Variants in ABCC4 observed in about 807,000 individuals in gnomAD.
ABCC4 encodes the protein ATP binding cassette subfamily C member 4 (PEL blood group), also known as ATP-binding cassette sub-family C member 4.
A neutral mutation model predicts 168.5 loss-of-function variants in ABCC4; 102 were observed. The ratio of observed to expected loss-of-function variants is 0.61; its 90% CI spans 0.52 to 0.71. The LOEUF (loss-of-function observed/expected upper bound fraction) is 0.71, where lower values mean the gene tolerates loss of function less well. Among genes scored for constraint, ABCC4 ranks in the 30% least tolerant of loss-of-function variants. The probability of loss-of-function intolerance (pLI) is 0.00; values close to 1 mark genes in which losing one functional copy is unlikely to be tolerated. For synonymous variants in ABCC4, 617 were observed against 590.7 expected, an observed-to-expected ratio of 1.04 and a Z score of -0.65; for missense variants, 1,402 against 1,605.8, an observed-to-expected ratio of 0.87 and a Z score of 2.17.
chr13:95,048,916 C>T (rs575475794), intron 27 of ABCC4, among the ~76,000 whole-genome samples: 4 of 152,228 alleles, frequency 2.6e-5, no homozygotes, highest in East Asian at 3.9e-4. Context: ...TCATTACTTA[C>T]GTTATATTTA....
chr13:95,206,864 A>ATT, intron 7 of ABCC4, 83 bp from the exon 8 acceptor site: 1 of 1,468,142 alleles, frequency 6.8e-7, no homozygotes, highest in Non-Finnish European at 9.3e-7. Context: ...GCACTTTGGG[A>ATT]GCTGAGGTGG....
At chr13:95,104,889 C>T (rs1046550246) in intron 20 of ABCC4, among the ~76,000 whole-genome samples, 2 of 152,144 alleles carry the variant, frequency 1.3e-5, no homozygotes, top group African/African-American at 4.8e-5. Flanking sequence ...ACACAGTCCT[C>T]AACCTTTTTG....
chr13:95,053,125 C>T lies in ABCC4; in HGVS notation c.3426G>A (p.Thr1142=), dbSNP rs372272728. The change falls in exon 27 of 31, where the codon ACG becomes ACA. Residue 1142 remains threonine (T), a synonymous_variant. Coordinates refer to ENST00000645237, the MANE Select transcript of ABCC4 (RefSeq NM_005845.5). ...GTAAGGCATTCCACAGTTCCTCATC[C>T]GTGTGCTCATTAAAGGGATCCAGGT... is the stretch of plus-strand genomic sequence containing the variant. ...RKNLDPFNEH[T]DEELWNALQE... is the part of the protein sequence containing the mutation. The T allele has an allele frequency of 1.1e-5, 18 of 1,613,966 alleles. No homozygotes were observed. The African/African-American group carries it at 1.2e-4, about 11-fold the overall frequency.
At chr13:95,265,920 T>C (rs938937060) in intron 1 of ABCC4, among the ~76,000 whole-genome samples, 1 of 152,082 alleles carries the variant, frequency 6.6e-6, no homozygotes, top group Non-Finnish European at 1.5e-5. Context: ...GGGGCCAAGA[T>C]TACACAAAAG....
intron 20 of ABCC4, among the ~76,000 whole-genome samples, chr13:95,100,939 C>T (rs1383934579): frequency 2.0e-5 from 3 of 152,114 alleles, no homozygotes; most frequent in Admixed American, 6.6e-5. Flanking sequence ...ACACACTTTC[C>T]CTGACATCTC....
At chr13:95,211,187 A>G (rs141221011) in intron 4 of ABCC4, among the ~76,000 whole-genome samples, 50 of 152,294 alleles carry the variant, frequency 3.3e-4, no homozygotes, top group African/African-American at 1.2e-3. Context: ...ACATTATTAA[A>G]CACATGGGGC....
chr13:95,252,529 C>A (rs1187946056), intron 1 of ABCC4, among the ~76,000 whole-genome samples: 1 of 151,902 alleles, frequency 6.6e-6, no homozygotes, highest in Non-Finnish European at 1.5e-5. Context: ...ACAAAAATTA[C>A]CCAGGCGTGG....
chr13:95,218,921 A>ACGAAAG (rs2039208559), intron 4 of ABCC4, among the ~76,000 whole-genome samples: 1 of 24,734 alleles, frequency 4.0e-5, no homozygotes, highest in African/African-American at 1.4e-4. Context: ...GAGAGAGAGA[A>ACGAAAG]AGAAAGAGAA....
At chr13:95,183,259 C>A (rs2037956512) in intron 11 of ABCC4, among the ~76,000 whole-genome samples, 1 of 152,108 alleles carries the variant, frequency 6.6e-6, no homozygotes, top group Admixed American at 6.6e-5. Context: ...TGCTGTATCT[C>A]CCCCATTTAA....
rs200892350 is a variant in ABCC4, at chr13:95,115,925, G to A, written c.2532C>T (p.Ile844=). Residue 844 remains isoleucine (I), a synonymous_variant, in exon 20 of 31, where the codon ATC becomes ATT. Transcript: ENST00000645237. ...CTGACATTACTCTCAACGTTACCTG[G>A]ATGAAATCTAAAAACGTCAGCGGCA... ...DLLPLTFLDF[I]QTLLQVVGVV... is the part of the protein sequence containing the mutation. The A allele has an allele frequency of 1.1e-4, 181 of 1,610,904 alleles. No individual in the cohort carries two copies. In the East Asian group the frequency reaches 1.4e-3, roughly 12 times the overall value.
chr13:95,028,009 C>A (rs981629449), intron 30 of ABCC4, among the ~76,000 whole-genome samples: 2 of 152,146 alleles, frequency 1.3e-5, no homozygotes, highest in Non-Finnish European at 2.9e-5. Context: ...GCACGCGACC[C>A]AGTCTAGTTT....
At chr13:95,172,841 C>A (rs1055045850) in intron 13 of ABCC4, among the ~76,000 whole-genome samples, 3 of 151,956 alleles carry the variant, frequency 2.0e-5, no homozygotes, top group African/African-American at 7.3e-5. Flanking sequence ...ATCACTTGAG[C>A]CCAGGAGGTA....
At chr13:95,077,876 A>G (rs2033960417) in intron 21 of ABCC4, among the ~76,000 whole-genome samples, 2 of 152,116 alleles carry the variant, frequency 1.3e-5, no homozygotes, top group Admixed American at 1.3e-4. Flanking sequence ...GTGCCAAGAC[A>G]TGGAGGTTCC....
In ABCC4 at chr13:95,170,597, T is replaced by C. The variant is rs2037434554; in HGVS notation, c.1759A>G (p.Thr587Ala). 3 of 1,612,078 alleles carry C rather than the reference T, an allele frequency of 1.9e-6. No homozygotes were observed. Among genetic ancestry groups the C allele is most frequent in the African/African-American group, 2.7e-5 (2 of 74,898 alleles). ...CICQILHEKITILVTHQLQYL... is the reference protein window; with the variant it reads ...CICQILHEKIAILVTHQLQYL... ...TGCAACTGATGAGTCACTAAAATTG[T>C]GATCTTCTCATGCAAAATTTGACAA... The change falls in exon 14 of 31, where the codon ACA becomes GCA. Residue 587 changes from threonine to alanine, a missense_variant. This residue lies in a region of ABCC4 where 1,007 missense variants were observed against 1,127.3 expected (regional missense o/e 0.89). Coordinates refer to ENST00000645237, the MANE Select transcript of ABCC4 (RefSeq NM_005845.5).
chr13:95,186,310 G>A (rs2038056702), intron 11 of ABCC4, among the ~76,000 whole-genome samples: 1 of 152,176 alleles, frequency 6.6e-6, no homozygotes, highest in Non-Finnish European at 1.5e-5. Flanking sequence ...GGTGGAGCTA[G>A]CAGAGGGCCA....
chr13:95,148,387 C>A (rs546532737), intron 19 of ABCC4, among the ~76,000 whole-genome samples: 4 of 152,258 alleles, frequency 2.6e-5, no homozygotes, highest in African/African-American at 7.2e-5. Flanking sequence ...GATCCCAAAT[C>A]ATATAGTGAT....
chr13:95,063,459 T>C (rs1055505810), intron 25 of ABCC4, among the ~76,000 whole-genome samples: 2 of 152,226 alleles, frequency 1.3e-5, no homozygotes, highest in African/African-American at 2.4e-5. Flanking sequence ...TATCTGCCTA[T>C]ATTTTGTCTC....
chr13:95,091,757 C>G (rs942327804), intron 20 of ABCC4, among the ~76,000 whole-genome samples: 8 of 151,524 alleles, frequency 5.3e-5, no homozygotes, highest in Admixed American at 3.3e-4. Context: ...CAAAAACAAA[C>G]AAAAAAAACA....
At chr13:95,029,202 A>ATC (rs1566355411) in intron 30 of ABCC4, among the ~76,000 whole-genome samples, 7 of 68,376 alleles carry the variant, frequency 1.0e-4, no homozygotes, top group African/African-American at 4.0e-4. Flanking sequence ...ATATATATAT[A>ATC]TATATATATA....
Sources: gnomAD v4.1 joint callset for allele counts (sites outside exome capture counted in the v4.1 genomes callset) on GRCh38, gnomAD v4.1.1 for gene constraint, gnomAD v4.1.1 regional missense constraint, MANE v1.5 for transcripts, NCBI Gene and HGNC (gene_info 2026-07-23, HGNC 2026-07-21) for gene names.